Variants in MRPS6 observed in about 807,000 individuals in gnomAD.
The protein encoded by MRPS6 is mitochondrial ribosomal protein S6, also known as small ribosomal subunit protein bS6m.
Under a neutral mutation model 13.1 loss-of-function variants are expected in MRPS6, and 6 were observed. That is an observed-to-expected ratio of 0.46 (90% CI 0.25 to 0.91). The LOEUF is 0.91. Among genes scored for constraint, MRPS6 ranks in the 40% least tolerant of loss-of-function variants. The pLI, the probability that MRPS6 is intolerant of heterozygous loss-of-function variation, is 0.18. For synonymous variants in MRPS6, 61 were observed against 56.5 expected (o/e 1.08, Z -0.36); for missense variants, 164 against 155.6 (o/e 1.05, Z -0.29).
chr21:34,142,350 A>G, intron 2 of MRPS6, 58 bp from the exon 3 acceptor site: 1 of 1,520,364 alleles, frequency 6.6e-7, no homozygotes, highest in Non-Finnish European at 8.8e-7. Context: ...CACTGACCAA[A>G]ATAGTAGAAT....
intron 1 of MRPS6, among the ~76,000 whole-genome samples, chr21:34,116,178 TTG>T (rs57694757): frequency 0.11 from 15,270 of 141,222 alleles, 765 homozygotes; most frequent in East Asian, 0.19. Context: ...CCAGCTAATT[TTG>T]TGTGTGTGTG....
chr21:34,112,676 GT>G (rs1054520014), intron 1 of MRPS6, among the ~76,000 whole-genome samples: 7 of 151,808 alleles, frequency 4.6e-5, no homozygotes, highest in African/African-American at 1.7e-4. Flanking sequence ...ATATTCCTCT[GT>G]CTATGATTAT....
chr21:34,103,747 T>A lies in MRPS6; in HGVS notation c.46-21594T>A. The A allele has an allele frequency of 3.0e-6, 3 of 999,678 alleles. No individual in the cohort carries two copies. The South Asian group carries it at 1.4e-4, about 47-fold the overall frequency. The allele number at this position is 999,678 out of a possible 1,614,324, so 61.9% of individuals were successfully genotyped here. A position where few individuals can be genotyped will look rare whatever the true frequency, so the allele number is the denominator to read the frequency against. ...AATGCGGTATCTAAACTGGTCCTAA[T>A]GGTAAGGGACCCAAAGGAATAATCT... On this transcript the variant is annotated intron_variant, in intron 1 of 2. Transcript: ENST00000399312.
intron 1 of MRPS6, among the ~76,000 whole-genome samples, chr21:34,114,651 T>C (rs1254227047): frequency 1.3e-5 from 2 of 152,168 alleles, no homozygotes; most frequent in Non-Finnish European, 2.9e-5. Context: ...CTTACCCAAA[T>C]CATGAAAGGA....
At chr21:34,114,371 T>TTTTA in intron 1 of MRPS6, among the ~76,000 whole-genome samples, 1 of 152,274 alleles carries the variant, frequency 6.6e-6, no homozygotes, top group South Asian at 2.1e-4. Context: ...GAGAAGATCA[T>TTTTA]TGCTTAAAAT....
chr21:34,141,330 A>ATGGAGAGTGAGGGGCCTTGG (rs1980900125), intron 2 of MRPS6, among the ~76,000 whole-genome samples: 1 of 152,162 alleles, frequency 6.6e-6, no homozygotes, highest in South Asian at 2.1e-4. Context: ...AGTGAGGGCA[A>ATGGAGAGTGAGGGGCCTTGG]TGGAGAGTGA....
At chr21:34,115,899 T>C (rs1979880406) in intron 1 of MRPS6, among the ~76,000 whole-genome samples, 1 of 151,290 alleles carries the variant, frequency 6.6e-6, no homozygotes, top group East Asian at 1.9e-4. Context: ...CGTTCTTTTT[T>C]CCATGTTTGT....
intron 1 of MRPS6, chr21:34,100,257 C>T (rs1432710338): frequency 2.0e-6 from 2 of 999,998 alleles, no homozygotes; most frequent in African/African-American, 3.5e-5. Context: ...CAATTTTCAT[C>T]TCAAGATCTG....
rs367629623 is a variant in MRPS6 at position 34,102,997 on chromosome 21, T to C, written c.46-22344T>C. On this transcript the variant is annotated intron_variant, in intron 1 of 2. Transcript: ENST00000399312. Reference sequence around the variant, plus strand: ...AAGAGTGTTTACTTTTTATTGCTCTTAGACAGAGTAGTCTAGATAAGTTTT... The same window carrying C: ...AAGAGTGTTTACTTTTTATTGCTCTCAGACAGAGTAGTCTAGATAAGTTTT... The C allele has an allele frequency of 2.6e-5, 26 of 999,986 alleles. 1 individual carries two copies. The African/African-American group carries it at 4.0e-4, about 15-fold the overall frequency. The allele number at this position is 999,986 out of a possible 1,614,324, so 61.9% of individuals were successfully genotyped here.
chr21:34,096,788 C>T lies in MRPS6; in HGVS notation c.45+23043C>T. The T allele has an allele frequency of 6.2e-7, 1 of 1,613,960 alleles. No individual in the cohort carries two copies. The highest frequency in any genetic ancestry group is 8.5e-7 in the Non-Finnish European group (1 of 1,179,914). ...CGGGACTCATTACTGTAATTGTGAG[C>T]CTTCTCACACCACCTCCCACAAAGG... On this transcript the variant is annotated intron_variant, in intron 1 of 2. Transcript: ENST00000399312. This position sits in a 1 kb window ranked among gnomAD's most constrained non-coding sequence, Gnocchi z 5.9.
At chr21:34,121,111 G>A (rs1900403843) in intron 1 of MRPS6, among the ~76,000 whole-genome samples, 1 of 152,108 alleles carries the variant, frequency 6.6e-6, no homozygotes, top group African/African-American at 2.4e-5. Context: ...CTTACATTCT[G>A]GTTAGTGAAA....
At chr21:34,076,051 C>T (rs765234059) in intron 1 of MRPS6, among the ~76,000 whole-genome samples, 2 of 152,170 alleles carry the variant, frequency 1.3e-5, no homozygotes, top group Non-Finnish European at 2.9e-5. Flanking sequence ...TACCTCTTTA[C>T]CCCTTTAATA....
intron 1 of MRPS6, among the ~76,000 whole-genome samples, chr21:34,121,776 T>C (rs953180912): frequency 6.6e-6 from 1 of 152,234 alleles, no homozygotes; most frequent in African/African-American, 2.4e-5. Flanking sequence ...AGCAGAACTT[T>C]TTCCCCTCTA....
intron 1 of MRPS6, chr21:34,102,410 A>T (rs1569418867): frequency 3.0e-6 from 3 of 1,000,064 alleles, no homozygotes; most frequent in South Asian, 4.7e-5. Context: ...CTTTATAAAA[A>T]GAGGGATTAG....
At chr21:34,097,403 T>C (rs745781668) in intron 1 of MRPS6, 59 of 1,368,574 alleles carry the variant, frequency 4.3e-5, no homozygotes, top group Non-Finnish European at 5.4e-5. Flanking sequence ...CTGACTGGTC[T>C]TTGGGGAAAA....
At chr21:34,113,994 C>T (rs1219748939) in intron 1 of MRPS6, among the ~76,000 whole-genome samples, 2 of 152,154 alleles carry the variant, frequency 1.3e-5, no homozygotes, top group Non-Finnish European at 2.9e-5. Context: ...GCAGGTGGCT[C>T]AGTAATGCCT....
In MRPS6 at chr21:34,105,002, T is replaced by A. The variant is rs1163463696; in HGVS notation, c.46-20339T>A. On this transcript the variant is annotated intron_variant, in intron 1 of 2. Coordinates refer to ENST00000399312, the MANE Select transcript of MRPS6 (RefSeq NM_032476.4). ...TATAATTAGAGTTTTCTAATTTCAC[T>A]GTGAGATCTCTAACTTTTGAGTGGC... 3 of 999,996 alleles carry A rather than the reference T, an allele frequency of 3.0e-6. No homozygotes were observed. The African/African-American group carries it at 5.2e-5, about 17-fold the overall frequency. The allele number at this position is 999,996 out of a possible 1,614,324, so 61.9% of individuals were successfully genotyped here.
At chr21:34,095,570 C>A in intron 1 of MRPS6, 1 of 1,613,652 alleles carries the variant, frequency 6.2e-7, no homozygotes, top group Non-Finnish European at 8.5e-7. Flanking sequence ...GGATTCAGGT[C>A]TATTTTGCAG....
At chr21:34,115,707 A>T (rs955552970) in intron 1 of MRPS6, among the ~76,000 whole-genome samples, 1 of 152,156 alleles carries the variant, frequency 6.6e-6, no homozygotes, top group African/African-American at 2.4e-5. Flanking sequence ...GTGGCAAGAT[A>T]GCGGTTGGGA....
Sources: gnomAD v4.1 joint callset for allele counts (sites outside exome capture counted in the v4.1 genomes callset) on GRCh38, gnomAD v4.1.1 for gene constraint, Gnocchi (gnomAD v3.1) non-coding constraint, MANE v1.5 for transcripts, NCBI Gene and HGNC (gene_info 2026-07-23, HGNC 2026-07-21) for gene names.